The following MMEL1 variants were observed in gnomAD, a reference collection of about 807,000 sequenced individuals.
MMEL1 encodes the protein membrane metalloendopeptidase like 1, also known as membrane metallo-endopeptidase-like 1.
A neutral mutation model predicts 117.1 loss-of-function variants in MMEL1; 98 were observed. That is an observed-to-expected ratio of 0.84 (90% CI 0.71 to 0.99). The LOEUF is 0.99. Ranked by LOEUF, MMEL1 falls within the 50% of genes least tolerant of loss-of-function variation. The pLI, the probability that MMEL1 is intolerant of heterozygous loss-of-function variation, is 0.00. For synonymous variants in MMEL1, 390 were observed against 415.1 expected (o/e 0.94, Z 0.74); for missense variants, 1,014 against 1,049.1 (o/e 0.97, Z 0.46).
At chr1:2,604,096 G>C in intron 10 of MMEL1, 51 bp downstream of exon 10, 1 of 1,573,974 alleles carries the variant, frequency 6.4e-7, no homozygotes, top group Non-Finnish European at 8.7e-7. Context: ...ACACCGCCTG[G>C]GGCTCCCAGC....
rs1270270451 is a variant in MMEL1 at position 2,603,864 on chromosome 1, C to T, written c.1041+20G>A. On this transcript the variant is annotated intron_variant, in intron 11 of 23. Transcript: ENST00000378412. The stretch of plus-strand genomic sequence containing the variant: ...GTCTCCACCCGGCCAGTGCCGGCCT[C>T]CTGTGTGGTGTGGCCTCACCTTCAG... 1.2e-6 allele frequency: 2 copies of T among 1,612,042 alleles called. No homozygotes were observed. The highest frequency in any genetic ancestry group is 1.7e-6 in the Non-Finnish European group (2 of 1,179,044).
rs2100918697 is a variant in MMEL1 at position 2,590,938 on chromosome 1, A to G, written c.*52T>C. 7.3e-7 allele frequency: 1 copy of G among 1,373,092 alleles called. No homozygotes were observed. The highest frequency in any genetic ancestry group is 1.6e-5 in the South Asian group (1 of 62,170). The allele number at this position is 1,373,092 out of a possible 1,614,324, so 85.1% of individuals were successfully genotyped here. On this transcript the variant is annotated 3_prime_UTR_variant, in exon 24 of 24. Transcript: ENST00000378412. The stretch of plus-strand genomic sequence containing the variant: ...CGCCGCTAGCTGCACCTTCGCACAG[A>G]TGCCTCCGAGCAGCGGGTGGGCGTG...
At chr1:2,607,171 A>G in intron 6 of MMEL1, 102 bp from the exon 7 acceptor site, 1 of 949,334 alleles carries the variant, frequency 1.1e-6, no homozygotes, top group East Asian at 2.6e-5. Context: ...AGGTCCCCAC[A>G]GCCCCTGCAG....
In MMEL1 at chr1:2,629,391, G is replaced by A. The variant is rs1570721765; in HGVS notation, c.94C>T (p.Leu32=). ...PGFLEGGLLL[L]LLLVTAALVA... Reference sequence around the variant, plus strand: ...AGGGCAGCGGTCACCAGCAGCAGCAGCAGCAGCAGCCCCCCCTCCAGGAAC... The same window carrying A: ...AGGGCAGCGGTCACCAGCAGCAGCAACAGCAGCAGCCCCCCCTCCAGGAAC... The change falls in exon 2 of 24, where the codon CTG becomes TTG. Residue 32 remains leucine (L), a synonymous_variant. Coordinates refer to ENST00000378412, the MANE Select transcript of MMEL1 (RefSeq NM_033467.4). The A allele has an allele frequency of 1.3e-6, 2 of 1,546,324 alleles. No individual in the cohort carries two copies. Among genetic ancestry groups the A allele is most frequent in the Non-Finnish European group, 1.7e-6 (2 of 1,146,326 alleles).
chr1:2,593,300 G>A (rs554542036), intron 19 of MMEL1, among the ~76,000 whole-genome samples: 3 of 152,338 alleles, frequency 2.0e-5, no homozygotes, highest in South Asian at 4.1e-4. Flanking sequence ...CAGGCGAGAG[G>A]AGTACGTGGT....
chr1:2,610,448 T>A (rs1645107283), intron 4 of MMEL1, among the ~76,000 whole-genome samples: 1 of 152,170 alleles, frequency 6.6e-6, no homozygotes, highest in South Asian at 2.1e-4. Flanking sequence ...ATGGCTGAGA[T>A]GGTGCCAGCT....
At position 2,596,108 on chromosome 1, in the gene MMEL1, C is replaced by T. The variant is rs1399291742; in HGVS notation, c.1402-1G>A. 6.2e-7 allele frequency: 1 copy of T among 1,613,576 alleles called. No individual in the cohort carries two copies. Among genetic ancestry groups the T allele is most frequent in the South Asian group, 1.1e-5 (1 of 91,066 alleles). Reference sequence around the variant, plus strand: ...GCACCTTGTCAATGAGTTCTCTGACCTGGGAATCGGGCATGGCCCTCGTGT... The same window carrying T: ...GCACCTTGTCAATGAGTTCTCTGACTTGGGAATCGGGCATGGCCCTCGTGT... On this transcript the variant is annotated splice_acceptor_variant, in intron 14 of 23. Transcript: ENST00000378412. LOFTEE classifies it high-confidence loss of function.
chr1:2,597,443 G>A (rs1370071517), intron 13 of MMEL1, among the ~76,000 whole-genome samples: 4 of 152,044 alleles, frequency 2.6e-5, no homozygotes, highest in African/African-American at 7.2e-5. Context: ...GGTCTTGAGA[G>A]TCCCGACTCC....
intron 3 of MMEL1, among the ~76,000 whole-genome samples, chr1:2,611,715 AC>A (rs959640249): frequency 6.6e-5 from 10 of 151,742 alleles, no homozygotes; most frequent in Admixed American, 5.2e-4. Context: ...GCCTCCATGT[AC>A]CCCCACAGCT....
chr1:2,629,592 GC>G, intron 1 of MMEL1, 71 bp from the exon 2 acceptor site: 3 of 1,328,394 alleles, frequency 2.3e-6, no homozygotes, highest in Non-Finnish European at 2.9e-6. Flanking sequence ...GGCTGGAAGG[GC>G]CGGATGCTGG....
Position 2,606,359 on chromosome 1 carries a change from C to T in MMEL1, c.639G>A (p.Glu213=). Residue 213 remains glutamate, a synonymous_variant, in exon 8 of 24, where the codon GAG becomes GAA. Transcript: ENST00000378412. ...GCGCCAGCTGCCGCTCCAGCTCCCA[C>T]TCGAGTCCTGGGGAGACAGTGCCCC... is the stretch of plus-strand genomic sequence containing the variant. The part of the protein sequence containing the change: ...MDRWNETVGL[E]WELERQLALM... 1 of 1,611,474 alleles carries T rather than the reference C, an allele frequency of 6.2e-7. No homozygotes were observed. Among genetic ancestry groups the T allele is most frequent in the Non-Finnish European group, 8.5e-7 (1 of 1,179,672 alleles).
At chr1:2,611,021 C>A (rs1312903954) in intron 4 of MMEL1, among the ~76,000 whole-genome samples, 1 of 152,260 alleles carries the variant, frequency 6.6e-6, no homozygotes, top group Non-Finnish European at 1.5e-5. Flanking sequence ...TGGACAAAAG[C>A]CGCTGGGGTT....
intron 1 of MMEL1, among the ~76,000 whole-genome samples, chr1:2,632,197 C>T (rs1466675662): frequency 1.3e-5 from 2 of 151,884 alleles, no homozygotes; most frequent in Non-Finnish European, 2.9e-5. Flanking sequence ...GGAGCCCCAG[C>T]CCCTCCCCTG....
Position 2,595,768 on chromosome 1 carries a change from C to A in MMEL1, c.1500+241G>T, listed in dbSNP as rs908822217. Reference sequence around the variant, plus strand: ...GGGGATGTCCCAGGCCTGGTTCCTGCCCCTGCCTGCTTTTCCTCAGCTCCA... The same window carrying A: ...GGGGATGTCCCAGGCCTGGTTCCTGACCCTGCCTGCTTTTCCTCAGCTCCA... On this transcript the variant is annotated intron_variant, in intron 15 of 23. Transcript: ENST00000378412. The surrounding 1 kb of genome is among the most constrained non-coding windows in gnomAD (Gnocchi z 4.8). 1.3e-5 allele frequency among the ~76,000 whole-genome samples: 2 copies of A among 152,104 alleles called. No individual in the cohort carries two copies. Among genetic ancestry groups the A allele is most frequent in the African/African-American group, 4.8e-5 (2 of 41,422 alleles).
chr1:2,631,146 G>A (rs749349478), intron 1 of MMEL1, among the ~76,000 whole-genome samples: 1 of 152,202 alleles, frequency 6.6e-6, no homozygotes. Context: ...GCTGGCACTC[G>A]GAGCCCTGCT....
intron 18 of MMEL1, chr1:2,594,137 C>T (rs1022400724): frequency 1.8e-5 from 14 of 781,520 alleles, no homozygotes; most frequent in Admixed American, 5.7e-5. Context: ...GACCTCAGTC[C>T]GGCCTCCTCC....
In MMEL1 at chr1:2,596,662, C is replaced by T. The variant is rs978019025; in HGVS notation, c.1300G>A (p.Val434Met). ...KALFGTMVEE[V>M]RWRECVGYVN... is the part of the protein sequence containing the mutation. ...TAGCCCACACATTCACGCCAGCGCACCTCCTCCACCATTGTGCCAAACAGC... is the reference window on the plus strand; with the variant it reads ...TAGCCCACACATTCACGCCAGCGCATCTCCTCCACCATTGTGCCAAACAGC... Residue 434 changes from valine to methionine, a missense_variant, in exon 14 of 24, where the codon GTG becomes ATG. By Grantham distance (21) the Val-to-Met change is conservative. Coordinates refer to ENST00000378412, the MANE Select transcript of MMEL1 (RefSeq NM_033467.4). The T allele has an allele frequency of 3.1e-6, 5 of 1,612,882 alleles. No homozygotes were observed. Among genetic ancestry groups the T allele is most frequent in the African/African-American group, 1.3e-5 (1 of 74,914 alleles).
At chr1:2,609,554 C>A in intron 5 of MMEL1, 116 bp downstream of exon 5, 1 of 1,522,038 alleles carries the variant, frequency 6.6e-7, no homozygotes, top group Non-Finnish European at 9.0e-7. Context: ...CTCCTCTGCG[C>A]CCACTGGACC....
chr1:2,621,789 C>T (rs1178181278), intron 2 of MMEL1, among the ~76,000 whole-genome samples: 3 of 152,056 alleles, frequency 2.0e-5, no homozygotes, highest in Admixed American at 6.6e-5. Flanking sequence ...CTCGAGCTCC[C>T]GACTTCAGGT....
Sources: gnomAD v4.1 joint callset for allele counts (sites outside exome capture counted in the v4.1 genomes callset) on GRCh38, gnomAD v4.1.1 for gene constraint, Gnocchi (gnomAD v3.1) non-coding constraint, MANE v1.5 for transcripts, NCBI Gene and HGNC (gene_info 2026-07-23, HGNC 2026-07-21) for gene names.